The following SH2D3A variants were observed in gnomAD, a reference collection of about 807,000 sequenced individuals.
The protein encoded by SH2D3A is SH2 domain containing 3A.
Under a neutral mutation model 50.6 loss-of-function variants are expected in SH2D3A, and 46 were observed. The observed-to-expected ratio is 0.91, with a 90% CI of 0.72 to 1.16. The LOEUF (loss-of-function observed/expected upper bound fraction) is 1.16, where lower values mean the gene tolerates loss of function less well. SH2D3A is among the 50% of genes most tolerant of loss of function. The pLI is 0.00. For missense variants in SH2D3A, 783 were observed against 786.2 expected (o/e 1.00, Z 0.05); for synonymous variants, 377 against 348.4 (o/e 1.08, Z -0.91).
In SH2D3A at chr19:6,753,816, T is replaced by C. The variant is rs1969475757; in HGVS notation, c.1385-175A>G. Among the ~76,000 whole-genome samples, 5 of 149,688 alleles carry C rather than the reference T, an allele frequency of 3.3e-5. No individual in the cohort carries two copies. The South Asian group carries it at 1.1e-3, about 32-fold the overall frequency. ...GGGCGGGGCCTATGGCGAAGGGGCG[T>C]AGCCTAGGGAAAGGGGCTGGGACCA... On this transcript the variant is annotated intron_variant, in intron 8 of 9. Coordinates refer to ENST00000245908, the MANE Select transcript of SH2D3A (RefSeq NM_005490.3).
In SH2D3A at chr19:6,754,839, C is replaced by T. The variant is rs757970433; in HGVS notation, c.973G>A (p.Asp325Asn). Residue 325 changes from aspartate (D) to asparagine (N), a missense_variant, in exon 5 of 10, where the codon GAC becomes AAC. Transcript: ENST00000245908. The stretch of plus-strand genomic sequence containing the variant: ...CCCAGGAGGTGACCCACCTGGCAGT[C>T]TACCAATAGCAGGTGAAGGGCGGTG... ...GSTALHLLLV[D>N]CQATGLLGVT... 1.1e-5 allele frequency: 18 copies of T among 1,602,792 alleles called. No homozygotes were observed. The highest frequency in any genetic ancestry group is 6.8e-6 in the Non-Finnish European group (8 of 1,172,776).
rs1402118620 is a variant in SH2D3A, at chr19:6,753,523, C to T, written c.1503G>A (p.Leu501=). 3.8e-6 allele frequency: 6 copies of T among 1,561,242 alleles called. No homozygotes were observed. The highest frequency in any genetic ancestry group is 4.3e-6 in the Non-Finnish European group (5 of 1,153,316). Residue 501 remains leucine (L), a synonymous_variant, in exon 9 of 10, where the codon CTG becomes CTA. Transcript: ENST00000245908. ...CCCGGACCATGTGACGCGCCCCGTG[C>T]AGGGTGCGCAACAGCCGCTCACAGC... ...DESCERLLRT[L]HGARHMVRDA...
chr19:6,761,671 G>C (rs1483112001), intron 2 of SH2D3A, among the ~76,000 whole-genome samples: 1 of 152,148 alleles, frequency 6.6e-6, no homozygotes, highest in Non-Finnish European at 1.5e-5. Context: ...GGAAGGGTGG[G>C]GCACAGTGGC....
Position 6,755,073 on chromosome 19 carries a change from T to C in SH2D3A, c.739A>G (p.Ser247Gly). The change falls in exon 5 of 10, where the codon AGC becomes GGC. Residue 247 changes from serine to glycine, a missense_variant. Coordinates refer to ENST00000245908, the MANE Select transcript of SH2D3A (RefSeq NM_005490.3). Reference sequence around the variant, plus strand: ...GCCTCTGGCTCTGGGCAGCTTTGGCTCGGGGATGTTCCCTGGACACTGGGC... The same window carrying C: ...GCCTCTGGCTCTGGGCAGCTTTGGCCCGGGGATGTTCCCTGGACACTGGGC... The part of the protein sequence containing the change: ...RVPSVQGTSP[S>G]QSCPEPEAPW... 6.2e-7 allele frequency: 1 copy of C among 1,613,886 alleles called. No homozygotes were observed. The highest frequency in any genetic ancestry group is 1.7e-4 in the Middle Eastern group (1 of 6,060).
At chr19:6,765,636 T>C (rs1970265407) in intron 1 of SH2D3A, among the ~76,000 whole-genome samples, 2 of 150,026 alleles carry the variant, frequency 1.3e-5, no homozygotes, top group South Asian at 4.2e-4. Flanking sequence ...TAGTCCCAGC[T>C]ACTCAGGAGG....
intron 9 of SH2D3A, chr19:6,753,022 G>T: frequency 1.0e-6 from 1 of 985,394 alleles, no homozygotes; most frequent in Non-Finnish European, 1.2e-6. Flanking sequence ...CCGCCTTAGG[G>T]GCTGTGCCTG....
At chr19:6,763,865 T>C in intron 1 of SH2D3A, 49 bp from the exon 2 acceptor site, 1 of 571,594 alleles carries the variant, frequency 1.7e-6, no homozygotes, top group East Asian at 3.4e-5. Context: ...GGTCAGCTCC[T>C]TTCATCCTCT....
In SH2D3A at chr19:6,763,679, C is replaced by A. The variant is rs371724386; in HGVS notation, c.69+1G>T. The A allele has an allele frequency of 1.9e-6, 3 of 1,612,044 alleles. No homozygotes were observed. The highest frequency in any genetic ancestry group is 2.5e-6 in the Non-Finnish European group (3 of 1,179,446). On this transcript the variant is annotated splice_donor_variant, in intron 2 of 9. Transcript: ENST00000245908. LOFTEE classifies it high-confidence loss of function. ...TGCTGAGGTCCTGCTGTGGGTGGTA[C>A]CTGGCGGGACAGGAGGCCGTGGTAC...
intron 8 of SH2D3A, among the ~76,000 whole-genome samples, 174 bp from the exon 9 acceptor site, chr19:6,753,815 G>A (rs1296404712): frequency 6.6e-6 from 1 of 151,980 alleles, no homozygotes; most frequent in East Asian, 1.9e-4. Flanking sequence ...GCGAAGGGGC[G>A]TAGCCTAGGG....
Position 6,752,284 on chromosome 19 carries a change from T to C in SH2D3A, c.*309A>G. On this transcript the variant is annotated 3_prime_UTR_variant, in exon 10 of 10. Transcript: ENST00000245908. ...CTTCCGCCTCGGCCTCCCAAAGTGC[T>C]GAGATTACAGGCCTGAGCTGCTGTA... 3.5e-6 allele frequency: 1 copy of C among 282,590 alleles called. No homozygotes were observed. The highest frequency in any genetic ancestry group is 6.1e-5 in the East Asian group (1 of 16,526). 17.5% of individuals were successfully genotyped at this position (282,590 alleles called of 1,614,324 possible). A position where few individuals can be genotyped will look rare whatever the true frequency, so the allele number is the denominator to read the frequency against.
intron 2 of SH2D3A, 56 bp downstream of exon 2, chr19:6,763,624 C>A: frequency 6.5e-7 from 1 of 1,542,132 alleles, no homozygotes; most frequent in Non-Finnish European, 8.9e-7. Context: ...GAATCCTCAG[C>A]AAGGGTGGGA....
chr19:6,766,942 C>T (rs973049926), intron 1 of SH2D3A, among the ~76,000 whole-genome samples: 1 of 152,066 alleles, frequency 6.6e-6, no homozygotes, highest in Admixed American at 6.6e-5. Context: ...AGGCCTGGAG[C>T]TGAGATGGAC....
chr19:6,766,128 G>GGGGA lies in SH2D3A; in HGVS notation c.-69+1255_-69+1258dup, dbSNP rs1343954817. On this transcript the variant is annotated intron_variant, in intron 1 of 9. Transcript: ENST00000245908. ...CCCAGACCAGCCCTAGGTGGCTTTAGGGGAGGAGCGCTGGGCAGGGAGCCA... is the reference window on the plus strand; with the variant it reads ...CCCAGACCAGCCCTAGGTGGCTTTAGGGGAGGGAGGAGCGCTGGGCAGGGAGCCA... Among the ~76,000 whole-genome samples the GGGGA allele has an allele frequency of 2.0e-5, 3 of 152,204 alleles. No homozygotes were observed. The East Asian group carries it at 5.8e-4, about 29-fold the overall frequency.
chr19:6,752,854 CA>C, intron 9 of SH2D3A, 101 bp from the exon 10 acceptor site: 4 of 1,421,218 alleles, frequency 2.8e-6, no homozygotes, highest in Non-Finnish European at 3.7e-6. Context: ...TTTGACCCAA[CA>C]GGGGCCCGGG....
Position 6,754,933 on chromosome 19 carries a change from C to T in SH2D3A, c.879G>A (p.Gln293=), listed in dbSNP as rs765849278. 10 of 1,613,126 alleles carry T rather than the reference C, an allele frequency of 6.2e-6. No individual in the cohort carries two copies. The highest frequency in any genetic ancestry group is 8.5e-6 in the Non-Finnish European group (10 of 1,179,480). ...GGACTTGGGGTTCCAGGGGCCGATT[C>T]TGGGGGCCCAGCAGGCAGGAGGGGG... ...HDAPSCLLGP[Q]NRPLEPQVLH... The change falls in exon 5 of 10, where the codon CAG becomes CAA. Residue 293 remains glutamine, a synonymous_variant. Coordinates refer to ENST00000245908, the MANE Select transcript of SH2D3A (RefSeq NM_005490.3).
In SH2D3A at chr19:6,759,648, G is replaced by C; in HGVS notation, c.442C>G (p.Gln148Glu). 2 of 1,613,878 alleles carry C rather than the reference G, an allele frequency of 1.2e-6. No homozygotes were observed. The highest frequency in any genetic ancestry group is 2.7e-5 in the African/African-American group (2 of 75,034). Residue 148 changes from glutamine (Q) to glutamate (E), a missense_variant, in exon 4 of 10, where the codon CAG becomes GAG. Transcript: ENST00000245908. ...CCCATATGTGCCAAATCTGCAGGCTGACTGTTGCTCCACTTCCTTGCCCTG... is the reference window on the plus strand; with the variant it reads ...CCCATATGTGCCAAATCTGCAGGCTCACTGTTGCTCCACTTCCTTGCCCTG... ...PLRARKWSNSQPADLAHMGRS... is the reference protein window; with the variant it reads ...PLRARKWSNSEPADLAHMGRS...
Position 6,752,720 on chromosome 19 carries a change from AGGGCCTCCCTCAGCTCC to A in SH2D3A, c.1587_1603del (p.Glu530AspfsTer12). The A allele has an allele frequency of 6.4e-7, 1 of 1,552,174 alleles. No homozygotes were observed. Among genetic ancestry groups the A allele is most frequent in the South Asian group, 1.2e-5 (1 of 84,216 alleles). ...CAGCCTCCGCACGAAGCCGGTGGTC[AGGGCCTCCCTCAGCTCC>A]GGGTTAGGCCGGAATCCTGGAAGCA... On this transcript the variant is annotated frameshift_variant, in exon 10 of 10. Transcript: ENST00000245908. LOFTEE classifies it low-confidence loss of function (END_TRUNC).
intron 8 of SH2D3A, 36 bp downstream of exon 8, chr19:6,754,016 C>T (rs1480466917): frequency 5.2e-6 from 8 of 1,552,410 alleles, no homozygotes; most frequent in East Asian, 2.3e-5. Context: ...TTGGTCTGGG[C>T]CCCCAGGGGA....
intron 1 of SH2D3A, 44 bp from the exon 2 acceptor site, chr19:6,763,860 G>T: frequency 1.7e-6 from 1 of 585,130 alleles, no homozygotes; most frequent in Admixed American, 3.2e-5. Flanking sequence ...GTCTGGGTCA[G>T]CTCCTTTCAT....
Sources: gnomAD v4.1 joint callset for allele counts (sites outside exome capture counted in the v4.1 genomes callset) on GRCh38, gnomAD v4.1.1 for gene constraint, MANE v1.5 for transcripts, NCBI Gene and HGNC (gene_info 2026-07-23, HGNC 2026-07-21) for gene names.